The following SLC39A14 variants were observed in gnomAD, a reference collection of about 807,000 sequenced individuals.
The protein encoded by SLC39A14 is solute carrier family 39 member 14.
In SLC39A14, 19 loss-of-function variants were observed where a neutral mutation model predicts 45.5. The observed-to-expected ratio is 0.42, with a 90% CI of 0.29 to 0.61. SLC39A14 has a LOEUF of 0.61. Ranked by LOEUF, SLC39A14 falls within the 20% of genes least tolerant of loss-of-function variation. The probability of loss-of-function intolerance (pLI) is 0.22; values close to 1 mark genes in which losing one functional copy is unlikely to be tolerated. For missense variants in SLC39A14, 447 were observed against 616.5 expected, an observed-to-expected ratio of 0.73 and a Z score of 2.91; for synonymous variants, 264 against 251.3, an observed-to-expected ratio of 1.05 and a Z score of -0.48.
chr8:22,416,515 C>T (rs764548803), intron 7 of SLC39A14, among the ~76,000 whole-genome samples: 1 of 152,084 alleles, frequency 6.6e-6, no homozygotes, highest in Non-Finnish European at 1.5e-5. Flanking sequence ...ACCTCCACCT[C>T]CTGGGTTCAA....
intron 1 of SLC39A14, among the ~76,000 whole-genome samples, chr8:22,397,206 C>T (rs1834538074): frequency 6.6e-6 from 1 of 152,184 alleles, no homozygotes; most frequent in African/African-American, 2.4e-5. Flanking sequence ...GTGGCCCTTC[C>T]ATTGCCAGGC....
intron 5 of SLC39A14, 144 bp downstream of exon 5, chr8:22,415,046 C>T (rs1835792468): frequency 4.1e-6 from 4 of 969,246 alleles, no homozygotes; most frequent in Non-Finnish European, 6.0e-6. Context: ...GGAGACAATC[C>T]CATTTCACCT....
chr8:22,371,839 G>A (rs1023080918), intron 1 of SLC39A14, among the ~76,000 whole-genome samples: 4 of 151,524 alleles, frequency 2.6e-5, no homozygotes, highest in African/African-American at 9.7e-5. Context: ...CTGCCTCCCG[G>A]GTTCAAGCCA....
downstream of SLC39A14, among the ~76,000 whole-genome samples, chr8:22,423,494 C>G (rs1487937157): frequency 1.3e-5 from 2 of 152,146 alleles, no homozygotes; most frequent in African/African-American, 4.8e-5. Context: ...CGCCACCACG[C>G]CCAGCTAATT....
downstream of SLC39A14, among the ~76,000 whole-genome samples, chr8:22,424,851 A>G (rs1836355586): frequency 6.6e-6 from 1 of 152,088 alleles, no homozygotes; most frequent in Non-Finnish European, 1.5e-5. Context: ...ACATGGTGTG[A>G]AACCCTATCT....
Position 22,408,323 on chromosome 8 carries a change from G to T in SLC39A14, c.284G>T (p.Gly95Val), listed in dbSNP as rs1341478839. The change falls in exon 3 of 9, where the codon GGA becomes GTA. Residue 95 changes from glycine (G) to valine (V), a missense_variant. Around this residue, in one of 2 missense-constraint regions of SLC39A14, gnomAD observed 342 missense variants for 428.1 expected, o/e 0.80. Coordinates refer to ENST00000381237, the MANE Select transcript of SLC39A14 (RefSeq NM_001128431.4). ...CCTGTGTTTCAGTGCTTTAGTTCTG[G>T]AGACCTCTTCACTGCCCACAATTTC... ...HRNLSTCFSS[G>V]DLFTAHNFSE... The T allele has an allele frequency of 6.2e-7, 1 of 1,613,826 alleles. No homozygotes were observed. Among genetic ancestry groups the T allele is most frequent in the African/African-American group, 1.3e-5 (1 of 74,928 alleles).
intron 5 of SLC39A14, 142 bp from the exon 6 acceptor site, chr8:22,415,627 C>T: frequency 1.4e-6 from 1 of 714,378 alleles, no homozygotes. Flanking sequence ...TGCTATGTTT[C>T]TGGGCACGTG....
chr8:22,374,067 C>A (rs1458614591), intron 1 of SLC39A14, among the ~76,000 whole-genome samples: 7 of 152,200 alleles, frequency 4.6e-5, no homozygotes, highest in Admixed American at 4.6e-4. Context: ...CCACCGTGCC[C>A]AGCCCTCAGT....
chr8:22,425,837 C>A (rs1275587255), downstream of SLC39A14, among the ~76,000 whole-genome samples: 1 of 151,548 alleles, frequency 6.6e-6, no homozygotes, highest in African/African-American at 2.4e-5. Flanking sequence ...AGTGTTCTGA[C>A]CCTGGCAATC....
At chr8:22,371,035 C>T (rs897711417) in intron 1 of SLC39A14, among the ~76,000 whole-genome samples, 11 of 152,196 alleles carry the variant, frequency 7.2e-5, no homozygotes, top group Non-Finnish European at 1.3e-4. Context: ...CCCCCACTAC[C>T]GTGGGCATTA....
intron 8 of SLC39A14, among the ~76,000 whole-genome samples, chr8:22,432,561 C>T (rs959016379): frequency 6.6e-6 from 1 of 151,768 alleles, no homozygotes; most frequent in Non-Finnish European, 1.5e-5. Flanking sequence ...TCACTTCAGC[C>T]TCAACTCCCT....
At chr8:22,368,696 C>T (rs1586618497) in intron 1 of SLC39A14, among the ~76,000 whole-genome samples, 1 of 151,940 alleles carries the variant, frequency 6.6e-6, no homozygotes, top group Non-Finnish European at 1.5e-5. Context: ...GCCACCATGC[C>T]CGGCTAATTT....
intron 2 of SLC39A14, among the ~76,000 whole-genome samples, chr8:22,407,976 G>C (rs539369012): frequency 1.3e-5 from 2 of 152,290 alleles, no homozygotes; most frequent in East Asian, 3.9e-4. Flanking sequence ...CCAAAGTGCT[G>C]GGATTACAGT....
chr8:22,383,482 A>T (rs1413628100), intron 1 of SLC39A14, among the ~76,000 whole-genome samples: 1 of 152,140 alleles, frequency 6.6e-6, no homozygotes, highest in Non-Finnish European at 1.5e-5. Flanking sequence ...TGGGGTGTTT[A>T]TCTTGTTATT....
chr8:22,399,732 C>T (rs1224292491), intron 1 of SLC39A14, among the ~76,000 whole-genome samples: 1 of 152,258 alleles, frequency 6.6e-6, no homozygotes, highest in Non-Finnish European at 1.5e-5. Context: ...GTCATAGCAG[C>T]CACCTGAGGG....
chr8:22,417,506 T>C lies in SLC39A14; in HGVS notation c.1148-145T>C, dbSNP rs1835957805. The C allele has an allele frequency of 1.0e-5, 7 of 681,952 alleles. No homozygotes were observed. The East Asian group carries it at 1.8e-4, about 18-fold the overall frequency. The allele number at this position is 681,952 out of a possible 1,614,324, so 42.2% of individuals were successfully genotyped here. A position where few individuals can be genotyped will look rare whatever the true frequency, so the allele number is the denominator to read the frequency against. Reference sequence around the variant, plus strand: ...GACCTTGTATGACTGGCTCTCACTTTGTCGCCAGGCTGGATTCAAACTCCT... The same window carrying C: ...GACCTTGTATGACTGGCTCTCACTTCGTCGCCAGGCTGGATTCAAACTCCT... On this transcript the variant is annotated intron_variant, in intron 7 of 8. Transcript: ENST00000381237.
chr8:22,399,044 C>T (rs1320897673), intron 1 of SLC39A14, among the ~76,000 whole-genome samples: 1 of 152,224 alleles, frequency 6.6e-6, no homozygotes, highest in Non-Finnish European at 1.5e-5. Context: ...CCTGGGGGCG[C>T]TCCCAAGCCA....
intron 1 of SLC39A14, among the ~76,000 whole-genome samples, chr8:22,368,412 G>A (rs1832749319): frequency 6.6e-6 from 1 of 152,102 alleles, no homozygotes; most frequent in Non-Finnish European, 1.5e-5. Flanking sequence ...TGTGACCTTG[G>A]GAGGGTCAGG....
chr8:22,432,329 T>A (rs773006061), intron 8 of SLC39A14, among the ~76,000 whole-genome samples: 3 of 152,094 alleles, frequency 2.0e-5, no homozygotes, highest in Non-Finnish European at 4.4e-5. Flanking sequence ...CAAGACCCTG[T>A]CTCAATAAAT....
Sources: allele counts gnomAD v4.1 joint callset (sites outside exome capture counted in the v4.1 genomes callset), GRCh38; gene constraint gnomAD v4.1.1; regional missense constraint gnomAD v4.1.1; transcripts MANE v1.5; gene names NCBI Gene and HGNC (gene_info 2026-07-23, HGNC 2026-07-21).